Variants in MAGEB16 observed in about 807,000 individuals in gnomAD.
MAGEB16 encodes MAGE family member B16.
For synonymous variants in MAGEB16, 95 were observed against 92.1 expected (o/e 1.03, Z -0.18); for missense variants, 217 against 234.0 (o/e 0.93, Z 0.47).
intron 1 of MAGEB16, 154 bp downstream of exon 1, chrX:35,798,572 G>A (rs1421014712): frequency 9.0e-6 from 1 of 111,432 alleles, no homozygotes; most frequent in African/African-American, 3.3e-5. Context: ...CCTTATTTGG[G>A]CAAGGGTAAG....
intron 1 of MAGEB16, chrX:35,800,673 G>T (rs1439170924): frequency 2.2e-5 from 11 of 498,105 alleles, no homozygotes; most frequent in African/African-American, 4.8e-5. Context: ...CTCTGGGCAG[G>T]GCTGTCAGGA....
At chrX:35,800,155 A>G (rs2032663552) in intron 1 of MAGEB16, among the ~76,000 whole-genome samples, 1 of 111,291 alleles carries the variant, frequency 9.0e-6, no homozygotes. Flanking sequence ...TAAGGAGGGA[A>G]CATCAGGCCA....
intron 1 of MAGEB16, among the ~76,000 whole-genome samples, chrX:35,799,870 G>A (rs995743801): frequency 1.8e-5 from 2 of 111,838 alleles, no homozygotes; most frequent in African/African-American, 6.5e-5. Flanking sequence ...CTGATATGGG[G>A]GCCCACCAGT....
chrX:35,802,727 C>T (rs768127627), exon 2 of MAGEB16: 1 of 1,210,916 alleles, frequency 8.3e-7, no homozygotes, highest in African/African-American at 1.7e-5. Flanking sequence ...ACCCCACCAC[C>T]CATTGCTATG....
intron 1 of MAGEB16, among the ~76,000 whole-genome samples, chrX:35,799,745 A>G (rs1185804430): frequency 9.0e-6 from 1 of 111,555 alleles, no homozygotes; most frequent in East Asian, 2.8e-4. Context: ...TGTGAGGGAA[A>G]ACTTAAGTCA....
chrX:35,802,272 G>A, exon 2 of MAGEB16: 1 of 1,211,326 alleles, frequency 8.3e-7, no homozygotes, highest in Non-Finnish European at 1.1e-6. Flanking sequence ...CCAGAGCCTG[G>A]AGGTTGCACA....
exon 2 of MAGEB16, chrX:35,802,869 G>A (rs982887741): frequency 8.3e-7 from 1 of 1,212,054 alleles, no homozygotes; most frequent in African/African-American, 1.7e-5. Flanking sequence ...TGAAGAGGAA[G>A]TCTGGGAAGT....
At chrX:35,802,252 T>G in exon 2 of MAGEB16, 1 of 1,209,210 alleles carries the variant, frequency 8.3e-7, no homozygotes. Context: ...CTTCAGACCT[T>G]CAGTGAGACC....
In MAGEB16 at chrX:35,802,610, T is replaced by A. The variant is rs756391412; in HGVS notation, c.414T>A (p.Asp138Glu). Residue 138 changes from aspartate to glutamate, a missense_variant, in exon 2 of 2, where the codon GAT becomes GAA. Transcript: ENST00000399988. Reference sequence around the variant, plus strand: ...TGAAAAAGCCAATAACAAAGGCAGATATGTTGAAGATTATCATCAAAGATG... The same window carrying A: ...TGAAAAAGCCAATAACAAAGGCAGAAATGTTGAAGATTATCATCAAAGATG... 9.9e-6 allele frequency: 12 copies of A among 1,211,140 alleles called. No homozygotes were observed. The South Asian group carries it at 1.8e-4, about 18-fold the overall frequency.
At position 35,802,338 on chromosome X, in the gene MAGEB16, G is replaced by C. The variant is rs750876254; in HGVS notation, c.142G>C (p.Gly48Arg). 51 of 1,207,942 alleles carry C rather than the reference G, an allele frequency of 4.2e-5. No homozygotes were observed. Among genetic ancestry groups the C allele is most frequent in the Middle Eastern group, 2.3e-4 (1 of 4,372 alleles). The change falls in exon 2 of 2, where the codon GGC becomes CGC. Residue 48 changes from glycine to arginine, a missense_variant. Gly to Arg is a moderately radical substitution (Grantham distance 125, BLOSUM62 -2). Coordinates refer to ENST00000399988, the Ensembl canonical transcript of MAGEB16. ...CTCCTCCTCCCATCCTCTAGTGCCT[G>C]GCAAACTGAAGGAAGCTCCTGCTGC...
intron 1 of MAGEB16, among the ~76,000 whole-genome samples, chrX:35,799,037 ATTTTTTT>A (rs77411234): frequency 2.2e-5 from 2 of 92,536 alleles, no homozygotes; most frequent in Admixed American, 1.2e-4. Flanking sequence ...TGCGCGGCTA[ATTTTTTT>A]TTTTTTTTTT....
At chrX:35,802,062 G>A in intron 1 of MAGEB16, 69 bp from the exon 2 acceptor site, 1 of 758,426 alleles carries the variant, frequency 1.3e-6, no homozygotes, top group African/African-American at 2.1e-5. Flanking sequence ...ATAGGCAGTG[G>A]CTTCCATCAG....
At chrX:35,800,513 G>T (rs1467185896) in intron 1 of MAGEB16, 5 of 524,484 alleles carry the variant, frequency 9.5e-6, no homozygotes, top group Admixed American at 2.7e-5. Context: ...TCTTTTTTCG[G>T]CAGGAGTGGC....
chrX:35,800,179 G>A (rs1396114971), intron 1 of MAGEB16, among the ~76,000 whole-genome samples: 2 of 111,210 alleles, frequency 1.8e-5, no homozygotes, highest in African/African-American at 6.5e-5. Flanking sequence ...GAGAGGAGGA[G>A]TCTCTCGCAG....
Position 35,800,907 on chromosome X carries a change from G to C in MAGEB16, c.-66-1224G>C, listed in dbSNP as rs762739611. On this transcript the variant is annotated intron_variant, in intron 1 of 1. Transcript: ENST00000399988. ...GTGGTAGTCTTGAAATGAAGGCAAA[G>C]GTTCAGATAAGCATTGGATTGGGTG... Among the ~76,000 whole-genome samples, 5 of 111,311 alleles carry C rather than the reference G, an allele frequency of 4.5e-5. No individual in the cohort carries two copies. In the East Asian group the frequency reaches 1.1e-3, roughly 25 times the overall value.
chrX:35,803,028 G>T, exon 2 of MAGEB16: 1 of 1,211,945 alleles, frequency 8.3e-7, no homozygotes, highest in Non-Finnish European at 1.1e-6. Flanking sequence ...ATTCCTGTGG[G>T]GCCCAAGAGC....
exon 2 of MAGEB16, chrX:35,802,402 G>T (rs1372239364): frequency 3.3e-6 from 4 of 1,206,017 alleles, no homozygotes; most frequent in Non-Finnish European, 4.5e-6. Flanking sequence ...CAGAGTTTCT[G>T]CTCCTCTTCC....
intron 1 of MAGEB16, chrX:35,798,660 C>A (rs1484937207): frequency 8.9e-6 from 1 of 111,847 alleles, no homozygotes; most frequent in African/African-American, 3.3e-5. Context: ...AGATCACTCA[C>A]AATAGAACAT....
At chrX:35,800,978 A>G (rs922116256) in intron 1 of MAGEB16, among the ~76,000 whole-genome samples, 6 of 111,476 alleles carry the variant, frequency 5.4e-5, no homozygotes, top group African/African-American at 2.0e-4. Flanking sequence ...AGTAAGGACC[A>G]ATAGGAATCC....
Sources: gnomAD v4.1 joint callset for allele counts (sites outside exome capture counted in the v4.1 genomes callset) on GRCh38, gnomAD v4.1.1 for gene constraint, MANE v1.5 for transcripts, NCBI Gene and HGNC (gene_info 2026-07-23, HGNC 2026-07-21) for gene names.